CLK4: variants seen among roughly 807,000 people sequenced by gnomAD.
The protein encoded by CLK4 is dual specificity protein kinase CLK4.
A neutral mutation model predicts 64.4 loss-of-function variants in CLK4; 37 were observed. That is an observed-to-expected ratio of 0.57 (90% CI 0.44 to 0.76). CLK4 has a LOEUF of 0.76. CLK4 is among the 30% of genes least tolerant of loss of function. The pLI is 0.00. For synonymous variants in CLK4, 175 were observed against 191.6 expected (o/e 0.91, Z 0.72); for missense variants, 457 against 605.1 (o/e 0.76, Z 2.57).
Position 178,616,929 on chromosome 5 carries a change from CAA to C in CLK4, c.493_494del (p.Leu165GlyfsTer2). On this transcript the variant is annotated frameshift_variant, in exon 5 of 13. Coordinates refer to ENST00000316308, the MANE Select transcript of CLK4 (RefSeq NM_020666.3). LOFTEE classifies it high-confidence loss of function. ...LRARYEIVDT[L>X]GEGAFGKVVE... ...CAACTTTGCCAAAGGCTCCTTCACC[CAA>C]AGTGTCCACGATTTCATCTAGAGTG... 1 of 1,613,632 alleles carries C rather than the reference CAA, an allele frequency of 6.2e-7. No individual in the cohort carries two copies. The highest frequency in any genetic ancestry group is 1.1e-5 in the South Asian group (1 of 91,068).
intron 9 of CLK4, among the ~76,000 whole-genome samples, chr5:178,609,189 T>C (rs534803881): frequency 1.1e-4 from 16 of 152,266 alleles, no homozygotes; most frequent in Non-Finnish European, 1.2e-4. Context: ...ACCAACCACA[T>C]AGATATTTTA....
chr5:178,625,350 A>G (rs751758687), intron 1 of CLK4, among the ~76,000 whole-genome samples: 5 of 151,336 alleles, frequency 3.3e-5, no homozygotes, highest in Non-Finnish European at 7.4e-5. Flanking sequence ...CTGGAGCCCA[A>G]GGAAGTCAAG....
At position 178,617,867 on chromosome 5, in the gene CLK4, AT is replaced by A. The variant is rs774110748; in HGVS notation, c.385-434del. The A allele has an allele frequency of 6.6e-6, 1 of 152,602 alleles. No individual in the cohort carries two copies. Among genetic ancestry groups the A allele is most frequent in the Non-Finnish European group, 1.5e-5 (1 of 68,368 alleles). 9.5% of individuals were successfully genotyped at this position (152,602 alleles called of 1,614,324 possible). On this transcript the variant is annotated intron_variant, in intron 3 of 12. Transcript: ENST00000316308. This position sits in a 1 kb window ranked among gnomAD's most constrained non-coding sequence, Gnocchi z 5.2. Reference sequence around the variant, plus strand: ...TTTGAAATTATTCTAATTTAGCAATATTTTAAAATATACATGATTAAAATAA... The same window carrying A: ...TTTGAAATTATTCTAATTTAGCAATATTTAAAATATACATGATTAAAATAA...
At chr5:178,619,907 G>T in intron 2 of CLK4, 1 of 661,994 alleles carries the variant, frequency 1.5e-6, no homozygotes, top group South Asian at 1.5e-5. Context: ...CTGAGGGAGA[G>T]AGGGGACACC....
chr5:178,615,197 T>A (rs745460772), intron 5 of CLK4, among the ~76,000 whole-genome samples: 65 of 151,686 alleles, frequency 4.3e-4, no homozygotes, highest in Non-Finnish European at 5.7e-4. Flanking sequence ...TAAAAAAAAA[T>A]TTTTTTTAAG....
chr5:178,619,136 G>T lies in CLK4; in HGVS notation c.162-358C>A, dbSNP rs146425902. On this transcript the variant is annotated intron_variant, in intron 2 of 12. Coordinates refer to ENST00000316308, the MANE Select transcript of CLK4 (RefSeq NM_020666.3). Reference sequence around the variant, plus strand: ...AGGTACAATCAGAGGCAGGCAAAAAGGATTCCTTTCTCTTGTAATGTAAGA... The same window carrying T: ...AGGTACAATCAGAGGCAGGCAAAAATGATTCCTTTCTCTTGTAATGTAAGA... Among the ~76,000 whole-genome samples the T allele has an allele frequency of 5.7e-3, 861 of 152,270 alleles. 6 individuals carry two copies. The highest frequency in any genetic ancestry group is 0.016 in the African/African-American group (648 of 41,544).
At chr5:178,606,120 T>G (rs1764464450) in intron 10 of CLK4, among the ~76,000 whole-genome samples, 1 of 152,252 alleles carries the variant, frequency 6.6e-6, no homozygotes, top group African/African-American at 2.4e-5. Flanking sequence ...CTTCACATTT[T>G]AAAGAAATTC....
chr5:178,608,712 T>G (rs1258325662), intron 9 of CLK4, among the ~76,000 whole-genome samples: 2 of 152,210 alleles, frequency 1.3e-5, no homozygotes, highest in African/African-American at 4.8e-5. Context: ...GCTACCATTT[T>G]CCAAGTATAC....
chr5:178,612,378 C>T, intron 9 of CLK4, 38 bp downstream of exon 9: 1 of 1,544,394 alleles, frequency 6.5e-7, no homozygotes, highest in Non-Finnish European at 8.8e-7. Flanking sequence ...AAAATCTCTT[C>T]TTCAATTATA....
In CLK4 at chr5:178,618,718, G is replaced by A. The variant is rs945964418; in HGVS notation, c.222C>T (p.Asp74=). The change falls in exon 3 of 13, where the codon GAC becomes GAT. Residue 74 remains aspartate, a synonymous_variant. Transcript: ENST00000316308. Reference sequence around the variant, plus strand: ...CTTCACAGTAGTCATTCCTGTATTCGTCAACGTATCTCCGGTCCCGATAAT... The same window carrying A: ...CTTCACAGTAGTCATTCCTGTATTCATCAACGTATCTCCGGTCCCGATAAT... ...ERDYRDRRYV[D]EYRNDYCEGY... The A allele has an allele frequency of 2.5e-6, 4 of 1,613,638 alleles. No individual in the cohort carries two copies. Among genetic ancestry groups the A allele is most frequent in the Non-Finnish European group, 2.5e-6 (3 of 1,179,844 alleles).
intron 5 of CLK4, among the ~76,000 whole-genome samples, chr5:178,614,582 G>C (rs1481809013): frequency 2.6e-5 from 4 of 152,152 alleles, no homozygotes; most frequent in Non-Finnish European, 4.4e-5. Context: ...ACCTACAGAT[G>C]AGCCAGCATT....
intron 1 of CLK4, among the ~76,000 whole-genome samples, chr5:178,624,185 T>C (rs1764748465): frequency 6.6e-6 from 1 of 152,212 alleles, no homozygotes; most frequent in Non-Finnish European, 1.5e-5. Context: ...TGAAGAGATA[T>C]AAAAAGGTGA....
rs1221449064 is a variant in CLK4, at chr5:178,617,298, T to A, written c.475+46A>T. Reference sequence around the variant, plus strand: ...CGCTGACAAACTATTCTTAAAAAGATTATTCTTTCTGCAAAGTTTAAAAAG... The same window carrying A: ...CGCTGACAAACTATTCTTAAAAAGAATATTCTTTCTGCAAAGTTTAAAAAG... On this transcript the variant is annotated intron_variant, in intron 4 of 12. Coordinates refer to ENST00000316308, the MANE Select transcript of CLK4 (RefSeq NM_020666.3). The surrounding 1 kb of genome is among the most constrained non-coding windows in gnomAD (Gnocchi z 5.2). 7 of 1,458,672 alleles carry A rather than the reference T, an allele frequency of 4.8e-6. No homozygotes were observed. The African/African-American group carries it at 9.7e-5, about 20-fold the overall frequency. The allele number at this position is 1,458,672 out of a possible 1,614,324, so 90.4% of individuals were successfully genotyped here. A position where few individuals can be genotyped will look rare whatever the true frequency, so the allele number is the denominator to read the frequency against.
chr5:178,616,833 T>C (rs1484221539), intron 5 of CLK4, 49 bp downstream of exon 5: 3 of 1,287,830 alleles, frequency 2.3e-6, no homozygotes, highest in Non-Finnish European at 3.4e-6. Flanking sequence ...TTATGAATCT[T>C]TCCCCACCAA....
intron 2 of CLK4, chr5:178,620,286 A>G (rs1764691353): frequency 4.1e-6 from 1 of 241,460 alleles, no homozygotes; most frequent in African/African-American, 2.2e-5. Flanking sequence ...ACGTGACCAT[A>G]CTCTTAAGGG....
chr5:178,612,969 G>A, intron 7 of CLK4, 79 bp from the exon 8 acceptor site: 1 of 682,982 alleles, frequency 1.5e-6, no homozygotes, highest in Non-Finnish European at 2.6e-6. Flanking sequence ...GACTGGCAAA[G>A]GATATAGTGG....
intron 7 of CLK4, among the ~76,000 whole-genome samples, chr5:178,613,123 T>C (rs531926671): frequency 6.6e-6 from 1 of 152,270 alleles, no homozygotes; most frequent in African/African-American, 2.4e-5. Context: ...TAAAAAATAT[T>C]TAAAAATAAA....
At chr5:178,618,503 A>G in intron 3 of CLK4, 53 bp downstream of exon 3, 1 of 1,090,188 alleles carries the variant, frequency 9.2e-7, no homozygotes, top group Non-Finnish European at 1.3e-6. Flanking sequence ...TCAGCTCGTT[A>G]AGAGTACACA....
At chr5:178,616,513 TG>T (rs1764628993) in intron 5 of CLK4, among the ~76,000 whole-genome samples, 1 of 152,130 alleles carries the variant, frequency 6.6e-6, no homozygotes, top group Non-Finnish European at 1.5e-5. Flanking sequence ...TATTCCATCT[TG>T]GCCGGGCACA....
Sources: allele counts gnomAD v4.1 joint callset (sites outside exome capture counted in the v4.1 genomes callset), GRCh38; gene constraint gnomAD v4.1.1; non-coding constraint Gnocchi (gnomAD v3.1); transcripts MANE v1.5; gene names NCBI Gene and HGNC (gene_info 2026-07-23, HGNC 2026-07-21).